Variants in ITGA8 observed in about 807,000 individuals in gnomAD.
ITGA8 encodes the protein integrin subunit alpha 8, also known as integrin alpha-8.
ITGA8 carries 91 observed loss-of-function variants against 142.3 expected under a neutral mutation model. That is an observed-to-expected ratio of 0.64 (90% confidence interval 0.54 to 0.76). ITGA8 has a LOEUF of 0.76. Ranked by LOEUF, ITGA8 falls within the 30% of genes least tolerant of loss-of-function variation. ITGA8 has a pLI of 0.00. For missense variants in ITGA8, 1,406 were observed against 1,327.7 expected, an observed-to-expected ratio of 1.06 and a Z score of -0.92; for synonymous variants, 505 against 485.2, an observed-to-expected ratio of 1.04 and a Z score of -0.54.
chr10:15,534,974 G>C (rs904400817), intron 27 of ITGA8, among the ~76,000 whole-genome samples: 9 of 152,212 alleles, frequency 5.9e-5, no homozygotes, highest in African/African-American at 2.2e-4. Context: ...TGGAGGGAGA[G>C]GCACGGGGGG....
chr10:15,701,172 G>A (rs371429839), intron 2 of ITGA8, among the ~76,000 whole-genome samples: 1 of 152,178 alleles, frequency 6.6e-6, no homozygotes, highest in Non-Finnish European at 1.5e-5. Context: ...GCATGGATGT[G>A]TATGTGTGAT....
chr10:15,575,443 C>T (rs957403599), intron 24 of ITGA8, 46 bp downstream of exon 24: 15 of 1,276,232 alleles, frequency 1.2e-5, no homozygotes, highest in Non-Finnish European at 1.6e-5. Context: ...TTGCACAGAG[C>T]TTAAGAATAA....
chr10:15,546,363 G>C (rs1458890488), intron 27 of ITGA8, among the ~76,000 whole-genome samples: 1 of 152,184 alleles, frequency 6.6e-6, no homozygotes. Flanking sequence ...CACACAGTAG[G>C]TCCTCCCTAC....
chr10:15,554,290 C>G lies in ITGA8; in HGVS notation c.2766+3784G>C, dbSNP rs75447475. 7.9e-4 allele frequency among the ~76,000 whole-genome samples: 121 copies of G among 152,234 alleles called. No individual in the cohort carries two copies. In the East Asian group the frequency reaches 8.7e-3, roughly 11 times the overall value. On this transcript the variant is annotated intron_variant, in intron 26 of 29. Transcript: ENST00000378076. ...TATCATCTGATAACTCCGACCGGGA[C>G]CCCCTGATGAATTGCCCTGAGTTCA...
At chr10:15,557,471 G>T (rs1451670) in intron 26 of ITGA8, among the ~76,000 whole-genome samples, 7 of 152,130 alleles carry the variant, frequency 4.6e-5, no homozygotes, top group African/African-American at 9.7e-5. Flanking sequence ...ACAGACCCCA[G>T]TGCTAAGACT....
At chr10:15,640,480 A>T (rs898417562) in intron 13 of ITGA8, among the ~76,000 whole-genome samples, 2 of 152,222 alleles carry the variant, frequency 1.3e-5, no homozygotes, top group Non-Finnish European at 2.9e-5. Flanking sequence ...TTAAGTTCCA[A>T]AAAGCACTGG....
intron 25 of ITGA8, 45 bp from the exon 26 acceptor site, chr10:15,558,247 A>G (rs1407661036): frequency 5.6e-6 from 9 of 1,605,926 alleles, no homozygotes; most frequent in Non-Finnish European, 7.7e-6. Context: ...ACACATGAAC[A>G]GTTGCTACAT....
chr10:15,565,247 C>T (rs562435454), intron 25 of ITGA8, among the ~76,000 whole-genome samples: 47 of 152,266 alleles, frequency 3.1e-4, no homozygotes, highest in African/African-American at 1.1e-3. Context: ...TGACCAGGTC[C>T]AGGGGCAAGC....
intron 13 of ITGA8, among the ~76,000 whole-genome samples, chr10:15,621,677 G>T (rs1588680466): frequency 6.6e-6 from 1 of 152,164 alleles, no homozygotes; most frequent in African/African-American, 2.4e-5. Flanking sequence ...TCAGGCCAAA[G>T]GGGAAGATGA....
chr10:15,567,058 G>A (rs955280754), intron 25 of ITGA8, among the ~76,000 whole-genome samples: 3 of 150,706 alleles, frequency 2.0e-5, no homozygotes, highest in Non-Finnish European at 4.4e-5. Context: ...AGGAGGTTGA[G>A]GCAGGAGAAT....
intron 6 of ITGA8, 141 bp downstream of exon 6, chr10:15,677,451 A>T: frequency 1.6e-6 from 1 of 643,208 alleles, no homozygotes; most frequent in East Asian, 2.9e-5. Context: ...AGCAAAAAAA[A>T]GAAATAACGC....
intron 25 of ITGA8, among the ~76,000 whole-genome samples, chr10:15,560,683 A>G (rs564292395): frequency 1.3e-5 from 2 of 152,302 alleles, no homozygotes; most frequent in African/African-American, 4.8e-5. Context: ...AAGATACAAG[A>G]TATTAGTAAG....
chr10:15,684,371 GTT>G (rs767902729), intron 3 of ITGA8, among the ~76,000 whole-genome samples: 1 of 145,104 alleles, frequency 6.9e-6, no homozygotes, highest in African/African-American at 2.5e-5. Context: ...TCTGACAATA[GTT>G]TTTTTTTTTT....
chr10:15,625,662 T>C (rs1345810588), intron 13 of ITGA8, among the ~76,000 whole-genome samples: 5 of 152,210 alleles, frequency 3.3e-5, no homozygotes, highest in Admixed American at 2.6e-4. Flanking sequence ...GGCAGAATTG[T>C]GTCCCCCCAA....
rs766046723 is a variant in ITGA8, at chr10:15,687,947, T to C, written c.435A>G (p.Gly145=). Residue 145 remains glycine (G), a synonymous_variant, in exon 3 of 30, where the codon GGA becomes GGG. Transcript: ENST00000378076. The part of the protein sequence containing the change: ...WFGATVKAHK[G]KVVACAPLYH... Reference sequence around the variant, plus strand: ...CACGGCTCATACTCACCACAACTTTTCCTTTGTGAGCTTTCACTGTTGCTC... The same window carrying C: ...CACGGCTCATACTCACCACAACTTTCCCTTTGTGAGCTTTCACTGTTGCTC... The C allele has an allele frequency of 2.5e-6, 4 of 1,608,674 alleles. No individual in the cohort carries two copies. The highest frequency in any genetic ancestry group is 1.1e-5 in the South Asian group (1 of 90,976).
chr10:15,635,151 C>A (rs2131637718), intron 13 of ITGA8, among the ~76,000 whole-genome samples: 1 of 151,702 alleles, frequency 6.6e-6, no homozygotes, highest in African/African-American at 2.4e-5. Context: ...GGACTACAGG[C>A]ACGTGCTACC....
At chr10:15,650,291 G>A (rs1251074023) in intron 11 of ITGA8, among the ~76,000 whole-genome samples, 1 of 152,188 alleles carries the variant, frequency 6.6e-6, no homozygotes, top group African/African-American at 2.4e-5. Context: ...ACCTAACAGT[G>A]TGCATAAGTT....
chr10:15,617,133 C>G (rs753113977), intron 13 of ITGA8, among the ~76,000 whole-genome samples: 15 of 152,188 alleles, frequency 9.9e-5, no homozygotes, highest in Non-Finnish European at 1.6e-4. Context: ...ATAAATAGCA[C>G]ATGGAACAGC....
chr10:15,570,401 A>G (rs1040332827), intron 25 of ITGA8, among the ~76,000 whole-genome samples: 1 of 152,100 alleles, frequency 6.6e-6, no homozygotes, highest in Non-Finnish European at 1.5e-5. Flanking sequence ...TGAGGTCAGG[A>G]GTTCGAGACC....
Sources: allele counts gnomAD v4.1 joint callset (sites outside exome capture counted in the v4.1 genomes callset), GRCh38; gene constraint gnomAD v4.1.1; transcripts MANE v1.5; gene names NCBI Gene and HGNC (gene_info 2026-07-23, HGNC 2026-07-21).